TCAF1: variants seen among roughly 807,000 people sequenced by gnomAD.
The protein encoded by TCAF1 is TRPM8 channel-associated factor 1.
In TCAF1, 4 loss-of-function variants were observed where a neutral mutation model predicts 27.3. The ratio of observed to expected loss-of-function variants is 0.15; its 90% confidence interval spans 0.07 to 0.34. The LOEUF (loss-of-function observed/expected upper bound fraction) is 0.34. Among genes scored for constraint, TCAF1 ranks in the 10% least tolerant of loss-of-function variants. TCAF1 has a pLI of 1.00. For synonymous variants in TCAF1, 105 were observed against 167.1 expected (o/e 0.63, Z 2.87); for missense variants, 257 against 425.8 (o/e 0.60, Z 3.49).
At chr7:143,891,859 T>G (rs1813648997) in intron 1 of TCAF1, among the ~76,000 whole-genome samples, 1 of 151,782 alleles carries the variant, frequency 6.6e-6, no homozygotes, top group Non-Finnish European at 1.5e-5. Flanking sequence ...ATAGAGAAAA[T>G]CTGAAAAGCA....
intron 1 of TCAF1, among the ~76,000 whole-genome samples, chr7:143,894,758 C>CATA (rs1247607786): frequency 6.6e-6 from 1 of 151,202 alleles, no homozygotes; most frequent in East Asian, 1.9e-4. Flanking sequence ...TATTAAAAGA[C>CATA]ATAATTACCA....
chr7:143,887,484 AT>A (rs1813463765), intron 1 of TCAF1, among the ~76,000 whole-genome samples: 1 of 152,152 alleles, frequency 6.6e-6, no homozygotes, highest in Non-Finnish European at 1.5e-5. Context: ...GACACTTTGG[AT>A]TTTGAAAATG....
At chr7:143,880,070 T>A (rs1304773582) in intron 1 of TCAF1, among the ~76,000 whole-genome samples, 1 of 152,238 alleles carries the variant, frequency 6.6e-6, no homozygotes, top group Non-Finnish European at 1.5e-5. Flanking sequence ...CATGAAGTCA[T>A]TTTTGTATGG....
chr7:143,857,541 C>A (rs537424768), intron 7 of TCAF1, among the ~76,000 whole-genome samples, 191 bp from the exon 8 acceptor site: 2 of 152,428 alleles, frequency 1.3e-5, no homozygotes, highest in South Asian at 4.1e-4. Context: ...TTAGGAAGGG[C>A]CTTGGGACCA....
At chr7:143,886,500 C>A (rs1813409481) in intron 1 of TCAF1, 1 of 985,038 alleles carries the variant, frequency 1.0e-6, no homozygotes, top group African/African-American at 1.7e-5. Flanking sequence ...TTCCCCACTT[C>A]AACTAGGTCA....
At chr7:143,877,186 T>C (rs190084052) in intron 1 of TCAF1, among the ~76,000 whole-genome samples, 10 of 152,252 alleles carry the variant, frequency 6.6e-5, no homozygotes, top group Non-Finnish European at 1.2e-4. Flanking sequence ...AATCGCCACA[T>C]TGCTGACACC....
At chr7:143,897,707 G>GTACTATAATCATT (rs1813952268) in intron 1 of TCAF1, among the ~76,000 whole-genome samples, 4 of 151,968 alleles carry the variant, frequency 2.6e-5, no homozygotes, top group Admixed American at 2.6e-4. Flanking sequence ...GACTCCATAG[G>GTACTATAATCATT]AAAACCTAAA....
At chr7:143,885,386 C>T in intron 1 of TCAF1, 1 of 985,388 alleles carries the variant, frequency 1.0e-6, no homozygotes, top group South Asian at 4.7e-5. Flanking sequence ...TTGGGGCGTC[C>T]CCGGGAGCTG....
At chr7:143,885,236 G>A (rs1032038005) in intron 1 of TCAF1, 3 of 985,604 alleles carry the variant, frequency 3.0e-6, no homozygotes, top group Non-Finnish European at 3.6e-6. Flanking sequence ...TTCCACACCA[G>A]GCTACTTTGG....
intron 1 of TCAF1, 87 bp from the exon 2 acceptor site, chr7:143,876,709 G>A: frequency 9.3e-7 from 1 of 1,076,708 alleles, no homozygotes; most frequent in African/African-American, 1.6e-5. Context: ...CAGTAGCTGG[G>A]CTATTCTTCC....
intron 6 of TCAF1, among the ~76,000 whole-genome samples, chr7:143,860,001 A>AT (rs1491160840): frequency 5.5e-5 from 2 of 36,498 alleles, no homozygotes; most frequent in African/African-American, 2.3e-4. Flanking sequence ...TATATTATAT[A>AT]ATATATATAT....
intron 1 of TCAF1, chr7:143,885,343 G>A: frequency 1.0e-6 from 1 of 985,028 alleles, no homozygotes; most frequent in African/African-American, 1.7e-5. Flanking sequence ...AGGCGTGTGG[G>A]GGGAGGTGGG....
At chr7:143,889,665 G>A (rs569729344) in intron 1 of TCAF1, among the ~76,000 whole-genome samples, 5 of 152,300 alleles carry the variant, frequency 3.3e-5, no homozygotes, top group African/African-American at 1.2e-4. Flanking sequence ...AAAAGCAGAT[G>A]GGTCAAAAGC....
At chr7:143,893,727 A>G (rs1813752328) in intron 1 of TCAF1, among the ~76,000 whole-genome samples, 2 of 152,034 alleles carry the variant, frequency 1.3e-5, no homozygotes, top group South Asian at 2.1e-4. Flanking sequence ...ATTAAAATAC[A>G]ATTTATCAAA....
intron 1 of TCAF1, among the ~76,000 whole-genome samples, chr7:143,896,267 T>C (rs1265406808): frequency 6.6e-6 from 1 of 151,920 alleles, no homozygotes; most frequent in Admixed American, 6.6e-5. Flanking sequence ...ATAGGTATCA[T>C]AATGTAAGGT....
At position 143,876,386 on chromosome 7, in the gene TCAF1, G is replaced by A. The variant is rs1389268199; in HGVS notation, c.223C>T (p.Pro75Ser). ...EDYLVEAQLTPFLLNAVGWLC... is the reference protein window; with the variant it reads ...EDYLVEAQLTSFLLNAVGWLC... ...CACCCCACTGCGTTCAGGAGAAAGG[G>A]CGTGAGCTGGGCTTCCACCAAGTAG... is the stretch of plus-strand genomic sequence containing the variant. Residue 75 changes from proline (P) to serine (S), a missense_variant, in exon 2 of 9, where the codon CCC becomes TCC. Pro to Ser is a moderately conservative substitution (Grantham distance 74). This residue lies in a region of TCAF1 where 255 missense variants were observed against 260.1 expected (regional missense o/e 0.98). Coordinates refer to ENST00000479870, the MANE Select transcript of TCAF1 (RefSeq NM_014719.3). The A allele has an allele frequency of 1.2e-6, 2 of 1,614,090 alleles. No homozygotes were observed. The highest frequency in any genetic ancestry group is 2.2e-5 in the East Asian group (1 of 44,868).
intron 6 of TCAF1, among the ~76,000 whole-genome samples, chr7:143,860,002 A>ATATATATAT: frequency 2.1e-4 from 1 of 4,656 alleles, no homozygotes; most frequent in African/African-American, 4.2e-4. Context: ...ATATTATATA[A>ATATATATAT]TATATATATA....
intron 1 of TCAF1, among the ~76,000 whole-genome samples, chr7:143,901,101 T>G (rs1317683544): frequency 6.6e-6 from 1 of 152,248 alleles, no homozygotes; most frequent in Admixed American, 6.5e-5. Flanking sequence ...GCCCTATTTC[T>G]TGACCCAAGG....
chr7:143,873,451 TG>T (rs1271523618), intron 2 of TCAF1, among the ~76,000 whole-genome samples: 9 of 131,308 alleles, frequency 6.9e-5, no homozygotes, highest in Admixed American at 4.0e-4. Flanking sequence ...AAGGAGTGGG[TG>T]GGGTGTGATT....
Sources: allele counts gnomAD v4.1 joint callset (sites outside exome capture counted in the v4.1 genomes callset), GRCh38; gene constraint gnomAD v4.1.1; regional missense constraint gnomAD v4.1.1; transcripts MANE v1.5; gene names NCBI Gene and HGNC (gene_info 2026-07-23, HGNC 2026-07-21).